The following CAMTA1 variants were observed in gnomAD, a reference collection of about 807,000 sequenced individuals.
The protein encoded by CAMTA1 is calmodulin-binding transcription activator 1.
CAMTA1 carries 27 observed loss-of-function variants against 170.9 expected under a neutral mutation model. The observed-to-expected ratio is 0.16, with a 90% CI of 0.12 to 0.22. The LOEUF (loss-of-function observed/expected upper bound fraction) is 0.22. Among genes scored for constraint, CAMTA1 ranks in the 10% least tolerant of loss-of-function variants. CAMTA1 has a pLI of 1.00. For missense variants in CAMTA1, 1,619 were observed against 2,217.2 expected (o/e 0.73, Z 5.42); for synonymous variants, 833 against 891.5 (o/e 0.93, Z 1.17).
chr1:7,506,232 T>G (rs2094106531), intron 6 of CAMTA1, among the ~76,000 whole-genome samples: 3 of 152,040 alleles, frequency 2.0e-5, no homozygotes, highest in Admixed American at 1.3e-4. Flanking sequence ...CTTCCAGGTG[T>G]GGCAAAGGAG....
At position 7,293,794 on chromosome 1, in the gene CAMTA1, A is replaced by G. The variant is rs1165544059; in HGVS notation, c.438+44168A>G. ...TGTTGCTGCCTCCCGATGGCTGCCC[A>G]GGGTTTCCAGCTCTCCCGTGCCCCT... On this transcript the variant is annotated intron_variant, in intron 5 of 22. Transcript: ENST00000303635. The surrounding 1 kb of genome is among the most constrained non-coding windows in gnomAD (Gnocchi z 4.1). Among the ~76,000 whole-genome samples, 1 of 152,186 alleles carries G rather than the reference A, an allele frequency of 6.6e-6. No individual in the cohort carries two copies. Among genetic ancestry groups the G allele is most frequent in the African/African-American group, 2.4e-5 (1 of 41,454 alleles).
chr1:6,849,800 T>G (rs953684939), intron 3 of CAMTA1, among the ~76,000 whole-genome samples: 12 of 151,964 alleles, frequency 7.9e-5, no homozygotes, highest in Non-Finnish European at 1.5e-4. Context: ...TTTGGGAGGC[T>G]GAGGCAGGAG....
chr1:6,904,542 T>C (rs1677875221), intron 3 of CAMTA1, among the ~76,000 whole-genome samples: 1 of 151,310 alleles, frequency 6.6e-6, no homozygotes, highest in Non-Finnish European at 1.5e-5. Context: ...GCCTTTTTTT[T>C]TCTTTCTTTC....
rs879759703 is a variant in CAMTA1 at position 7,682,729 on chromosome 1, A to T, written c.2914+4996A>T. ...GAGGCCTCTGGGTGCTTCTTCCTCC[A>T]ATGGCAACACTCCAGGGCTTTCTGC... On this transcript the variant is annotated intron_variant, in intron 11 of 22. Coordinates refer to ENST00000303635, the MANE Select transcript of CAMTA1 (RefSeq NM_015215.4). The surrounding 1 kb of genome is among the most constrained non-coding windows in gnomAD (Gnocchi z 5.0). Among the ~76,000 whole-genome samples the T allele has an allele frequency of 2.6e-5, 4 of 152,224 alleles. No individual in the cohort carries two copies. The highest frequency in any genetic ancestry group is 4.4e-5 in the Non-Finnish European group (3 of 68,038).
At chr1:7,005,657 G>A (rs1458993413) in intron 3 of CAMTA1, among the ~76,000 whole-genome samples, 1 of 152,128 alleles carries the variant, frequency 6.6e-6, no homozygotes, top group Non-Finnish European at 1.5e-5. Flanking sequence ...AGGAAGTATG[G>A]GATACAAAGG....
intron 3 of CAMTA1, among the ~76,000 whole-genome samples, chr1:7,072,562 G>C (rs978419196): frequency 4.6e-5 from 7 of 152,202 alleles, no homozygotes; most frequent in Non-Finnish European, 8.8e-5. Context: ...TCAACAAATA[G>C]TATAGCAAGA....
At chr1:6,926,553 C>G (rs530329125) in intron 3 of CAMTA1, among the ~76,000 whole-genome samples, 2 of 126,400 alleles carry the variant, frequency 1.6e-5, no homozygotes, top group South Asian at 2.6e-4. Flanking sequence ...TCCTTCCTTC[C>G]TTCCTTCTTT....
intron 3 of CAMTA1, among the ~76,000 whole-genome samples, chr1:6,853,494 A>G (rs949921100): frequency 2.0e-5 from 3 of 152,218 alleles, no homozygotes; most frequent in Admixed American, 6.5e-5. Context: ...AACTTGATTA[A>G]TCTGAAAGAA....
Position 7,230,438 on chromosome 1 carries a change from C to A in CAMTA1, c.303-19053C>A, listed in dbSNP as rs557835616. On this transcript the variant is annotated intron_variant, in intron 4 of 22. Coordinates refer to ENST00000303635, the MANE Select transcript of CAMTA1 (RefSeq NM_015215.4). Reference sequence around the variant, plus strand: ...GGGCTGCTGCTCTGGGCTGACCCCCCCCCCCCGCCCCGCAAAGCTCTGTGG... The same window carrying A: ...GGGCTGCTGCTCTGGGCTGACCCCCACCCCCCGCCCCGCAAAGCTCTGTGG... 6.6e-3 allele frequency among the ~76,000 whole-genome samples: 544 copies of A among 81,958 alleles called. 24 individuals carry two copies. The highest frequency in any genetic ancestry group is 9.5e-3 in the Non-Finnish European group (370 of 38,846). 53.8% of individuals were successfully genotyped at this position (81,958 alleles called of 152,430 possible).
chr1:7,660,156 C>T (rs553973874), intron 7 of CAMTA1, among the ~76,000 whole-genome samples: 63 of 152,332 alleles, frequency 4.1e-4, no homozygotes, highest in African/African-American at 1.5e-3. Context: ...CTCACTGCAA[C>T]CTCTGCCTCC....
At chr1:6,792,696 A>G (rs1440507443) in intron 1 of CAMTA1, among the ~76,000 whole-genome samples, 1 of 152,014 alleles carries the variant, frequency 6.6e-6, no homozygotes, top group Non-Finnish European at 1.5e-5. Flanking sequence ...CTCTATCCTG[A>G]CATGGTTGCT....
In CAMTA1 at chr1:7,682,439, TC is replaced by T. The variant is rs2096216720; in HGVS notation, c.2914+4708del. On this transcript the variant is annotated intron_variant, in intron 11 of 22. Coordinates refer to ENST00000303635, the MANE Select transcript of CAMTA1 (RefSeq NM_015215.4). The surrounding 1 kb of genome is among the most constrained non-coding windows in gnomAD (Gnocchi z 5.0). ...AAGGCCTCTTGGTTTGGCCTTCTGA[TC>T]CGTCCACGCTCTCTGTGCTAACAGA... Among the ~76,000 whole-genome samples the T allele has an allele frequency of 6.6e-6, 1 of 152,204 alleles. No individual in the cohort carries two copies. Among genetic ancestry groups the T allele is most frequent in the Non-Finnish European group, 1.5e-5 (1 of 68,028 alleles).
At chr1:7,124,246 G>C (rs1558133818) in intron 4 of CAMTA1, among the ~76,000 whole-genome samples, 1 of 151,980 alleles carries the variant, frequency 6.6e-6, no homozygotes, top group South Asian at 2.1e-4. Flanking sequence ...CCCTCTCCTG[G>C]GACGAATCTC....
chr1:7,241,924 T>C (rs1317067450), intron 4 of CAMTA1, among the ~76,000 whole-genome samples: 2 of 152,116 alleles, frequency 1.3e-5, no homozygotes, highest in Admixed American at 1.3e-4. Flanking sequence ...GTACTATTCA[T>C]AAAAGAAAAA....
chr1:6,987,800 C>T (rs1410428131), intron 3 of CAMTA1, among the ~76,000 whole-genome samples: 1 of 152,178 alleles, frequency 6.6e-6, no homozygotes, highest in African/African-American at 2.4e-5. Flanking sequence ...CCCGGGAATC[C>T]AGGTTCCCCT....
At chr1:7,114,140 T>G (rs1273144688) in intron 4 of CAMTA1, among the ~76,000 whole-genome samples, 1 of 152,212 alleles carries the variant, frequency 6.6e-6, no homozygotes, top group African/African-American at 2.4e-5. Flanking sequence ...GCAGAGCACC[T>G]AACATGTGCC....
Position 7,684,845 on chromosome 1 carries a change from C to A in CAMTA1, c.2914+7112C>A, listed in dbSNP as rs558565846. On this transcript the variant is annotated intron_variant, in intron 11 of 22. Transcript: ENST00000303635. ...TTAGTCCCCAGGGCATGGTCCTGGG[C>A]ATGATCCCAGCCGTCAGGCCTCACT... Among the ~76,000 whole-genome samples the A allele has an allele frequency of 2.0e-4, 31 of 152,294 alleles. No homozygotes were observed. In the East Asian group the frequency reaches 5.8e-3, roughly 28 times the overall value.
intron 6 of CAMTA1, among the ~76,000 whole-genome samples, chr1:7,479,164 CA>C (rs1410867278): frequency 6.6e-6 from 1 of 152,240 alleles, no homozygotes; most frequent in Non-Finnish European, 1.5e-5. Flanking sequence ...ATGGTGTCAT[CA>C]CTGCTTTTAG....
intron 5 of CAMTA1, among the ~76,000 whole-genome samples, chr1:7,460,069 C>T (rs1725235): frequency 0.41 from 61,869 of 152,190 alleles, 13,146 homozygotes; most frequent in East Asian, 0.53. Flanking sequence ...ATCTGCCAGC[C>T]GCTCACTGTG....
Sources: allele counts gnomAD v4.1 joint callset (sites outside exome capture counted in the v4.1 genomes callset), GRCh38; gene constraint gnomAD v4.1.1; non-coding constraint Gnocchi (gnomAD v3.1); transcripts MANE v1.5; gene names NCBI Gene and HGNC (gene_info 2026-07-23, HGNC 2026-07-21).